ZNF678: variants seen among roughly 807,000 people sequenced by gnomAD.
ZNF678 encodes zinc finger protein 678.
A neutral mutation model predicts 3.0 loss-of-function variants in ZNF678; 5 were observed. That is an observed-to-expected ratio of 1.69 (90% confidence interval 0.88 to 3.56). ZNF678 has a LOEUF of 3.56. Among genes scored for constraint, ZNF678 ranks in the 30% most tolerant of loss-of-function variants. The pLI, the probability that ZNF678 is intolerant of heterozygous loss-of-function variation, is 0.00. For missense variants in ZNF678, 593 were observed against 605.0 expected (o/e 0.98, Z 0.21); for synonymous variants, 218 against 199.6 (o/e 1.09, Z -0.78).
At chr1:227,654,076 C>T (rs1245410621) in intron 3 of ZNF678, among the ~76,000 whole-genome samples, 2 of 151,992 alleles carry the variant, frequency 1.3e-5, no homozygotes, top group African/African-American at 2.4e-5. Context: ...ATGTAACAAA[C>T]TTTACTTTCT....
chr1:227,579,406 G>A (rs889460929), intron 1 of ZNF678, among the ~76,000 whole-genome samples: 2 of 152,026 alleles, frequency 1.3e-5, no homozygotes, highest in African/African-American at 4.8e-5. Flanking sequence ...CAGTGTTAGT[G>A]CAAGGGTGGG....
At chr1:227,624,184 T>A (rs180872088) in intron 1 of ZNF678, among the ~76,000 whole-genome samples, 85 of 152,356 alleles carry the variant, frequency 5.6e-4, no homozygotes, top group African/African-American at 1.9e-3. Context: ...TTTACTACTT[T>A]AATTCAATAC....
rs747539296 is a variant in ZNF678 at position 227,654,338 on chromosome 1, A to G, written c.88A>G (p.Ile30Val). Residue 30 changes from isoleucine to valine, a missense_variant and splice_region_variant, in exon 4 of 4, where the codon ATT (isoleucine) becomes GTT (valine). Coordinates refer to ENST00000343776, the MANE Select transcript of ZNF678 (RefSeq NM_001367909.1). ...TSFYKLVYTA[I>V]LSYSIQDLLP... ...CTTTTTATTTTTATTTCTTTCAGCTATTTTATCTTATTCCATTCAAGACCT... is the reference window on the plus strand; with the variant it reads ...CTTTTTATTTTTATTTCTTTCAGCTGTTTTATCTTATTCCATTCAAGACCT... The G allele has an allele frequency of 2.5e-5, 38 of 1,514,712 alleles. No homozygotes were observed. In the South Asian group the frequency reaches 2.9e-4, roughly 12 times the overall value. The allele number at this position is 1,514,712 out of a possible 1,614,324, so 93.8% of individuals were successfully genotyped here.
intron 1 of ZNF678, among the ~76,000 whole-genome samples, chr1:227,634,051 G>A (rs952176342): frequency 6.6e-6 from 1 of 152,176 alleles, no homozygotes; most frequent in African/African-American, 2.4e-5. Context: ...CAGCAGAATA[G>A]GGCAGTGGTC....
chr1:227,578,025 G>A (rs1657030197), intron 1 of ZNF678, among the ~76,000 whole-genome samples: 1 of 152,102 alleles, frequency 6.6e-6, no homozygotes, highest in Non-Finnish European at 1.5e-5. Context: ...GAAATTCTGG[G>A]ATGGAATTTC....
chr1:227,665,203 G>A (rs771241802), downstream of ZNF678, among the ~76,000 whole-genome samples: 4 of 152,176 alleles, frequency 2.6e-5, no homozygotes, highest in African/African-American at 4.8e-5. Flanking sequence ...GCTCAAACAG[G>A]CCTGGGCCCA....
At position 227,655,426 on chromosome 1, in the gene ZNF678, T is replaced by C. The variant is rs1659214172; in HGVS notation, c.1176T>C (p.Leu392=). 5 of 1,611,762 alleles carry C rather than the reference T, an allele frequency of 3.1e-6. No homozygotes were observed. The highest frequency in any genetic ancestry group is 2.5e-6 in the Non-Finnish European group (3 of 1,179,062). ...CGKAFNKFSS[L]TQHRRIHTGV... ...AAGCGTTTAACAAGTTCTCAAGCCT[T>C]ACTCAACATAGGAGAATTCATACTG... Residue 392 remains leucine, a synonymous_variant, in exon 4 of 4, where the codon CTT becomes CTC. Transcript: ENST00000343776.
At chr1:227,596,289 G>A (rs762312439) in intron 1 of ZNF678, among the ~76,000 whole-genome samples, 1 of 152,166 alleles carries the variant, frequency 6.6e-6, no homozygotes, top group Non-Finnish European at 1.5e-5. Flanking sequence ...ACGAACCTAA[G>A]ACAAAACTCC....
At chr1:227,667,246 G>GA (rs1659519057), downstream of ZNF678, among the ~76,000 whole-genome samples, 1 of 151,936 alleles carries the variant, frequency 6.6e-6, no homozygotes, top group African/African-American at 2.4e-5. Context: ...ATGTTGCCCA[G>GA]GCTGGTCTCA....
chr1:227,648,482 A>G (rs1179690603), intron 2 of ZNF678, among the ~76,000 whole-genome samples: 1 of 152,254 alleles, frequency 6.6e-6, no homozygotes, highest in African/African-American at 2.4e-5. Flanking sequence ...AATTTTAAGC[A>G]TACAAGACAT....
chr1:227,579,693 G>A (rs960352609), intron 1 of ZNF678, among the ~76,000 whole-genome samples: 2 of 152,062 alleles, frequency 1.3e-5, no homozygotes, highest in Admixed American at 6.5e-5. Flanking sequence ...TACAGTGTGG[G>A]CCCCCAGGAC....
At chr1:227,671,452 G>A (rs1260156846) in intron 5 of ZNF678, among the ~76,000 whole-genome samples, 1 of 151,992 alleles carries the variant, frequency 6.6e-6, no homozygotes, top group Non-Finnish European at 1.5e-5. Context: ...GACCAATAGG[G>A]CTGAATTTTT....
chr1:227,604,755 C>A (rs919386109), intron 1 of ZNF678, among the ~76,000 whole-genome samples: 2 of 152,138 alleles, frequency 1.3e-5, no homozygotes, highest in African/African-American at 4.8e-5. Flanking sequence ...TACTTACTTA[C>A]AATTTATATA....
chr1:227,590,496 C>G lies in ZNF678; in HGVS notation c.-164+26772C>G, dbSNP rs564193223. Among the ~76,000 whole-genome samples, 102 of 151,868 alleles carry G rather than the reference C, an allele frequency of 6.7e-4. 5 individuals carry two copies. The highest frequency in any genetic ancestry group is 2.3e-3 in the African/African-American group (97 of 41,288). ...GAGCATGTTAATGGGGGTTGGGTATCCCCACGAGCCGTCTTGTGCCCAAGC... is the reference window on the plus strand; with the variant it reads ...GAGCATGTTAATGGGGGTTGGGTATGCCCACGAGCCGTCTTGTGCCCAAGC... On this transcript the variant is annotated intron_variant, in intron 1 of 3. Transcript: ENST00000343776.
Position 227,598,948 on chromosome 1 carries a change from G to C in ZNF678, c.-164+35224G>C. The C allele has an allele frequency of 3.6e-6, 3 of 832,688 alleles. No homozygotes were observed. The South Asian group carries it at 4.1e-5, about 11-fold the overall frequency. The allele number at this position is 832,688 out of a possible 1,614,324, so 51.6% of individuals were successfully genotyped here. A position where few individuals can be genotyped will look rare whatever the true frequency, so the allele number is the denominator to read the frequency against. ...TGTCTCTTTCTAGTTCTTTCTTCCAGTTCTCATTCATTTTTTTCTTCAAAT... is the reference window on the plus strand; with the variant it reads ...TGTCTCTTTCTAGTTCTTTCTTCCACTTCTCATTCATTTTTTTCTTCAAAT... On this transcript the variant is annotated intron_variant, in intron 1 of 3. Transcript: ENST00000343776.
intron 1 of ZNF678, among the ~76,000 whole-genome samples, chr1:227,637,067 A>G (rs1658696790): frequency 1.3e-5 from 2 of 152,288 alleles, no homozygotes; most frequent in South Asian, 4.1e-4. Flanking sequence ...ACACTATAGC[A>G]TAGCCAGCAT....
intron 1 of ZNF678, among the ~76,000 whole-genome samples, chr1:227,618,582 G>A (rs1047731767): frequency 3.0e-4 from 46 of 152,286 alleles, no homozygotes; most frequent in African/African-American, 8.7e-4. Context: ...GGACAGCCAG[G>A]CAGGCCACTG....
rs539571939 is a variant in ZNF678 at position 227,660,301 on chromosome 1, A to T, written c.*4473A>T. The T allele has an allele frequency of 3.4e-4, 52 of 151,034 alleles. No individual in the cohort carries two copies. The highest frequency in any genetic ancestry group is 1.2e-3 in the African/African-American group (50 of 41,120). 9.4% of individuals were successfully genotyped at this position (151,034 alleles called of 1,614,324 possible). Reference sequence around the variant, plus strand: ...TTTTATTGATATTTTGATAGACATTATGTTAAATATATACATCATTTTGTG... The same window carrying T: ...TTTTATTGATATTTTGATAGACATTTTGTTAAATATATACATCATTTTGTG... On this transcript the variant is annotated 3_prime_UTR_variant, in exon 4 of 4. Transcript: ENST00000343776.
chr1:227,664,343 G>A (rs1418862332), downstream of ZNF678, among the ~76,000 whole-genome samples: 3 of 152,060 alleles, frequency 2.0e-5, no homozygotes, highest in Non-Finnish European at 2.9e-5. Context: ...GTATGAACCT[G>A]ACCATCTCAC....
Sources: allele counts gnomAD v4.1 joint callset (sites outside exome capture counted in the v4.1 genomes callset), GRCh38; gene constraint gnomAD v4.1.1; transcripts MANE v1.5; gene names NCBI Gene and HGNC (gene_info 2026-07-23, HGNC 2026-07-21).